ZNF704: variants seen among roughly 807,000 people sequenced by gnomAD.
ZNF704 encodes the protein zinc finger protein 704, also known as glucocorticoid induced gene 1.
In ZNF704, 10 loss-of-function variants were observed where a neutral mutation model predicts 44.7. That is an observed-to-expected ratio of 0.22 (90% CI 0.14 to 0.38). The LOEUF is 0.38. Among genes scored for constraint, ZNF704 ranks in the 10% least tolerant of loss-of-function variants. The pLI is 1.00. For synonymous variants in ZNF704, 211 were observed against 207.6 expected (o/e 1.02, Z -0.14); for missense variants, 390 against 545.5 (o/e 0.71, Z 2.84).
chr8:80,648,767 T>G (rs1269097928), intron 7 of ZNF704, among the ~76,000 whole-genome samples: 1 of 152,178 alleles, frequency 6.6e-6, no homozygotes, highest in Non-Finnish European at 1.5e-5. Context: ...ATAGCCATAA[T>G]TTCCATTTTA....
chr8:80,831,805 C>T (rs1441372721), intron 1 of ZNF704, among the ~76,000 whole-genome samples: 1 of 152,202 alleles, frequency 6.6e-6, no homozygotes, highest in Non-Finnish European at 1.5e-5. Context: ...AAGAAACTGA[C>T]AGCTTCCTGT....
chr8:80,685,986 T>C (rs1011617284), intron 4 of ZNF704, among the ~76,000 whole-genome samples: 6 of 152,260 alleles, frequency 3.9e-5, no homozygotes, highest in Admixed American at 1.3e-4. Flanking sequence ...AACCAATACA[T>C]ATAACAACAG....
chr8:80,810,458 T>C (rs971227445), intron 2 of ZNF704, among the ~76,000 whole-genome samples: 13 of 151,582 alleles, frequency 8.6e-5, no homozygotes, highest in African/African-American at 2.2e-4. Context: ...ATAAGCAGTA[T>C]GTATTAATGA....
intron 2 of ZNF704, among the ~76,000 whole-genome samples, chr8:80,703,218 A>C (rs1226616177): frequency 1.3e-5 from 2 of 151,820 alleles, no homozygotes; most frequent in African/African-American, 4.8e-5. Flanking sequence ...TCTCCTCTCC[A>C]TACCTGTGAA....
intron 7 of ZNF704, among the ~76,000 whole-genome samples, chr8:80,652,307 T>C (rs1333569352): frequency 3.3e-5 from 5 of 151,560 alleles, no homozygotes; most frequent in African/African-American, 4.9e-5. Flanking sequence ...AGGCAAGAAA[T>C]AACTAAGATC....
chr8:80,709,070 A>C (rs1379964467), intron 2 of ZNF704, among the ~76,000 whole-genome samples: 1 of 152,132 alleles, frequency 6.6e-6, no homozygotes, highest in Non-Finnish European at 1.5e-5. Context: ...TTCTCTTCCT[A>C]CTTGGTATGT....
At chr8:80,717,431 T>C (rs1204654691) in intron 2 of ZNF704, among the ~76,000 whole-genome samples, 4 of 152,236 alleles carry the variant, frequency 2.6e-5, no homozygotes, top group Admixed American at 2.6e-4. Context: ...CAAAACTGGG[T>C]TGAAGTTCTG....
At chr8:80,818,511 G>T (rs2129869067) in intron 2 of ZNF704, among the ~76,000 whole-genome samples, 2 of 152,176 alleles carry the variant, frequency 1.3e-5, no homozygotes, top group South Asian at 4.1e-4. Context: ...CTTTAAAGCA[G>T]CTCTGGATTA....
chr8:80,684,886 T>G (rs1489830737), intron 4 of ZNF704, among the ~76,000 whole-genome samples: 1 of 152,210 alleles, frequency 6.6e-6, no homozygotes, highest in East Asian at 1.9e-4. Flanking sequence ...CTCACCTTCT[T>G]GTTATTTTCA....
chr8:80,867,971 T>C (rs1809186181), intron 1 of ZNF704, among the ~76,000 whole-genome samples: 1 of 152,246 alleles, frequency 6.6e-6, no homozygotes, highest in Non-Finnish European at 1.5e-5. Context: ...TCTATTACAC[T>C]AGCAAATTAT....
intron 2 of ZNF704, among the ~76,000 whole-genome samples, chr8:80,716,183 A>T (rs1819069718): frequency 6.6e-6 from 1 of 152,170 alleles, no homozygotes; most frequent in South Asian, 2.1e-4. Flanking sequence ...CCTTAACATT[A>T]TCTAACTGCC....
At chr8:80,739,578 G>T (rs536377377) in intron 2 of ZNF704, among the ~76,000 whole-genome samples, 129 of 152,270 alleles carry the variant, frequency 8.5e-4, no homozygotes, top group Admixed American at 7.8e-4. Context: ...CAGTCTTCTA[G>T]CAAGAAAGTA....
rs565763213 is a variant in ZNF704, at chr8:80,660,545, C to T, written c.928-856G>A. On this transcript the variant is annotated intron_variant, in intron 6 of 8. Coordinates refer to ENST00000327835, the MANE Select transcript of ZNF704 (RefSeq NM_001033723.3). ...AAAAAGGTAAATAAATCATGATATA[C>T]CTACAGAGTAATTCAAAATGTTGTT... is the stretch of plus-strand genomic sequence containing the variant. Among the ~76,000 whole-genome samples, 4 of 150,170 alleles carry T rather than the reference C, an allele frequency of 2.7e-5. No homozygotes were observed. In the East Asian group the frequency reaches 5.8e-4, roughly 22 times the overall value.
chr8:80,852,856 A>T (rs181364780), intron 1 of ZNF704, among the ~76,000 whole-genome samples: 1 of 152,328 alleles, frequency 6.6e-6, no homozygotes, highest in Non-Finnish European at 1.5e-5. Flanking sequence ...TAGCCCCCCA[A>T]AGTGCCTAGC....
At chr8:80,772,621 A>C (rs1283901744) in intron 2 of ZNF704, among the ~76,000 whole-genome samples, 1 of 152,086 alleles carries the variant, frequency 6.6e-6, no homozygotes. Context: ...CCCATGATCC[A>C]ATCACCTCCC....
At chr8:80,649,133 A>G (rs570756733) in intron 7 of ZNF704, among the ~76,000 whole-genome samples, 1 of 152,304 alleles carries the variant, frequency 6.6e-6, no homozygotes, top group Admixed American at 6.5e-5. Flanking sequence ...TTATTGGGCT[A>G]TATGTACATA....
Position 80,687,311 on chromosome 8 carries a change from C to A in ZNF704, c.473G>T (p.Arg158Leu), listed in dbSNP as rs759312927. The A allele has an allele frequency of 3.1e-6, 5 of 1,612,678 alleles. No homozygotes were observed. The South Asian group carries it at 4.4e-5, about 14-fold the overall frequency. The change falls in exon 4 of 9, where the codon CGC becomes CTC. Residue 158 changes from arginine (R) to leucine (L), a missense_variant. By Grantham distance (102) the Arg-to-Leu change is moderately radical (BLOSUM62 -2). Coordinates refer to ENST00000327835, the MANE Select transcript of ZNF704 (RefSeq NM_001033723.3). ...GCCGTCGTCTGGCTGCGCGGGGCTG[C>A]GGAAGGGCTTGAAGCTGTCAGCCGA... ...PLSADSFKPFRSPAQPDDGID... is the reference protein window; with the variant it reads ...PLSADSFKPFLSPAQPDDGID...
intron 1 of ZNF704, among the ~76,000 whole-genome samples, chr8:80,869,017 G>A (rs1809204275): frequency 6.6e-6 from 1 of 152,186 alleles, no homozygotes; most frequent in South Asian, 2.1e-4. Context: ...TGACTGTGCA[G>A]GGTTCAAACC....
chr8:80,689,256 C>T (rs954630467), intron 3 of ZNF704, among the ~76,000 whole-genome samples: 2 of 152,010 alleles, frequency 1.3e-5, no homozygotes, highest in Non-Finnish European at 2.9e-5. Flanking sequence ...CTACCTTTAC[C>T]TATTTATGGA....
Sources: gnomAD v4.1 joint callset for allele counts (sites outside exome capture counted in the v4.1 genomes callset) on GRCh38, gnomAD v4.1.1 for gene constraint, MANE v1.5 for transcripts, NCBI Gene and HGNC (gene_info 2026-07-23, HGNC 2026-07-21) for gene names.